Variants in TTC6 observed in about 807,000 individuals in gnomAD.
The protein encoded by TTC6 is tetratricopeptide repeat protein 6.
In TTC6, 172 loss-of-function variants were observed where a neutral mutation model predicts 210.4. The ratio of observed to expected loss-of-function variants is 0.82; its 90% CI spans 0.72 to 0.93. The LOEUF (loss-of-function observed/expected upper bound fraction) is 0.93, where lower values mean the gene tolerates loss of function less well. Among genes scored for constraint, TTC6 ranks in the 40% least tolerant of loss-of-function variants. TTC6 has a pLI of 0.00. For missense variants in TTC6, 2,414 were observed against 2,318.1 expected (o/e 1.04, Z -0.85); for synonymous variants, 804 against 819.6 (o/e 0.98, Z 0.32).
chr14:37,813,378 G>A (rs1271805995), intron 25 of TTC6, among the ~76,000 whole-genome samples: 1 of 152,140 alleles, frequency 6.6e-6, no homozygotes, highest in Non-Finnish European at 1.5e-5. Context: ...GTTTGTAGTA[G>A]GCAAGAAAAC....
rs1420196313 is a variant in TTC6, at chr14:37,598,940, C to T, written c.-235+2932C>T. ...AGTTCCTCCGCGGGCCCCCACCCCC[C>T]ACCCAGATAAGAAGCTTAAGTCCTC... On this transcript the variant is annotated intron_variant, in intron 1 of 2. Coordinates refer to the TTC6 transcript ENST00000556845. This position sits in a 1 kb window ranked among gnomAD's most constrained non-coding sequence, Gnocchi z 4.9. Among the ~76,000 whole-genome samples the T allele has an allele frequency of 7.3e-6, 1 of 137,262 alleles. No homozygotes were observed. Among genetic ancestry groups the T allele is most frequent in the Non-Finnish European group, 1.6e-5 (1 of 63,372 alleles). The allele number at this position is 137,262 out of a possible 152,430, so 90.0% of individuals were successfully genotyped here.
chr14:37,785,184 G>A (rs977933910), intron 14 of TTC6, among the ~76,000 whole-genome samples: 1 of 152,096 alleles, frequency 6.6e-6, no homozygotes, highest in Non-Finnish European at 1.5e-5. Context: ...GCTAGGTTGG[G>A]GAAGTTCTCC....
exon 15 of TTC6, chr14:37,787,539 T>C: frequency 1.3e-6 from 2 of 1,532,072 alleles, no homozygotes; most frequent in Non-Finnish European, 1.7e-6. Context: ...TCTGCTGCAA[T>C]TCACTTAGAT....
At chr14:37,790,282 T>C (rs1432380094) in intron 15 of TTC6, among the ~76,000 whole-genome samples, 2 of 152,128 alleles carry the variant, frequency 1.3e-5, no homozygotes, top group East Asian at 3.9e-4. Flanking sequence ...TCAAGCCTGT[T>C]CCTTGGCCAG....
intron 1 of TTC6, among the ~76,000 whole-genome samples, chr14:37,641,985 A>G (rs892285298): frequency 2.0e-5 from 3 of 152,236 alleles, no homozygotes; most frequent in Non-Finnish European, 2.9e-5. Flanking sequence ...TTCGGATTGC[A>G]TCAGATGTAT....
intron 14 of TTC6, among the ~76,000 whole-genome samples, chr14:37,763,066 T>G (rs2095989315): frequency 6.6e-6 from 1 of 151,622 alleles, no homozygotes; most frequent in East Asian, 1.9e-4. Context: ...TTTTTTGTAT[T>G]TTTAGTAGAG....
chr14:37,764,580 A>T (rs1461753968), intron 14 of TTC6, among the ~76,000 whole-genome samples: 2 of 152,086 alleles, frequency 1.3e-5, no homozygotes, highest in East Asian at 1.9e-4. Flanking sequence ...GATATTAGCA[A>T]AGCTACTCCC....
chr14:37,714,585 A>C, intron 5 of TTC6, 70 bp from the exon 8 acceptor site: 1 of 1,287,760 alleles, frequency 7.8e-7, no homozygotes, highest in South Asian at 1.6e-5. Context: ...GGAGTTATGA[A>C]ATGAGGGCAA....
intron 24 of TTC6, among the ~76,000 whole-genome samples, chr14:37,809,531 G>A (rs1296330390): frequency 1.3e-5 from 2 of 152,218 alleles, no homozygotes; most frequent in East Asian, 3.9e-4. Flanking sequence ...AATTTTTAAA[G>A]CAGTAGCAAT....
chr14:37,653,116 G>A (rs927256515), intron 1 of TTC6, among the ~76,000 whole-genome samples: 3 of 152,118 alleles, frequency 2.0e-5, no homozygotes, highest in African/African-American at 7.2e-5. Context: ...CCTTTGATCT[G>A]GTATAATCAG....
At chr14:37,749,518 TTATA>T in intron 11 of TTC6, 117 bp downstream of exon 13, 1 of 1,166,316 alleles carries the variant, frequency 8.6e-7, no homozygotes, top group Non-Finnish European at 1.1e-6. Flanking sequence ...TGTGGAATTA[TTATA>T]ACAGTATAAT....
intron 1 of TTC6, among the ~76,000 whole-genome samples, chr14:37,664,485 A>G (rs1051199228): frequency 6.7e-6 from 1 of 149,588 alleles, no homozygotes; most frequent in Non-Finnish European, 1.5e-5. Context: ...TCCTCACACC[A>G]TATACAAAAA....
At chr14:37,658,895 G>C (rs1420441462) in intron 1 of TTC6, among the ~76,000 whole-genome samples, 1 of 152,044 alleles carries the variant, frequency 6.6e-6, no homozygotes, top group Non-Finnish European at 1.5e-5. Context: ...GTACTCAATA[G>C]TTATTTTTTT....
At chr14:37,682,729 C>T in intron 2 of TTC6, 29 bp from the exon 5 acceptor site, 19 of 1,519,206 alleles carry the variant, frequency 1.3e-5, no homozygotes, top group Non-Finnish European at 1.7e-5. Context: ...AAAAAAAAAG[C>T]ATTCTTGCAC....
At chr14:37,745,060 A>G (rs557644836) in intron 10 of TTC6, among the ~76,000 whole-genome samples, 2 of 152,254 alleles carry the variant, frequency 1.3e-5, no homozygotes, top group South Asian at 4.1e-4. Context: ...ATGTACGTAC[A>G]TATACATATG....
intron 14 of TTC6, among the ~76,000 whole-genome samples, chr14:37,756,956 T>C (rs1209814764): frequency 2.0e-5 from 3 of 152,218 alleles, no homozygotes; most frequent in African/African-American, 4.8e-5. Flanking sequence ...CTGGTAGAAT[T>C]CGTCTGTGAA....
At chr14:37,666,490 T>C (rs1213878893) in intron 1 of TTC6, among the ~76,000 whole-genome samples, 1 of 148,138 alleles carries the variant, frequency 6.8e-6, no homozygotes, top group Non-Finnish European at 1.5e-5. Context: ...TAAAGTATAG[T>C]TTCAATATTC....
chr14:37,842,280 T>C, exon 31 of TTC6: 2 of 1,603,156 alleles, frequency 1.2e-6, no homozygotes, highest in Non-Finnish European at 1.7e-6. Flanking sequence ...AGACTATGCC[T>C]CAGTTATATG....
intron 1 of TTC6, among the ~76,000 whole-genome samples, chr14:37,664,090 T>A (rs567678433): frequency 6.6e-6 from 1 of 150,722 alleles, no homozygotes; most frequent in African/African-American, 2.4e-5. Context: ...AAGTAATTTA[T>A]AGATTTAATG....
Sources: allele counts gnomAD v4.1 joint callset (sites outside exome capture counted in the v4.1 genomes callset), GRCh38; gene constraint gnomAD v4.1.1; non-coding constraint Gnocchi (gnomAD v3.1); transcripts MANE v1.5; gene names NCBI Gene and HGNC (gene_info 2026-07-23, HGNC 2026-07-21).